Variants in C10orf90 observed in about 807,000 individuals in gnomAD.
The protein encoded by C10orf90 is chromosome 10 open reading frame 90.
C10orf90 carries 56 observed loss-of-function variants against 62.5 expected under a neutral mutation model. The ratio of observed to expected loss-of-function variants is 0.90; its 90% CI spans 0.72 to 1.12. The LOEUF is 1.12. Ranked by LOEUF, C10orf90 falls within the 50% of genes most tolerant of loss-of-function variation. The pLI is 0.00. For synonymous variants in C10orf90, 386 were observed against 340.4 expected (o/e 1.13, Z -1.47); for missense variants, 970 against 880.4 (o/e 1.10, Z -1.29).
At chr10:126,615,380 C>T (rs1409544705) in intron 2 of C10orf90, among the ~76,000 whole-genome samples, 3 of 152,132 alleles carry the variant, frequency 2.0e-5, no homozygotes, top group African/African-American at 7.2e-5. Context: ...CAAAGGACAT[C>T]TCTTCTGTTG....
chr10:126,642,368 T>G (rs562953440), intron 2 of C10orf90, among the ~76,000 whole-genome samples: 1 of 152,026 alleles, frequency 6.6e-6, no homozygotes, highest in South Asian at 2.1e-4. Context: ...CCGTCTCTAC[T>G]AAAAATACAA....
At chr10:126,491,364 C>T (rs1011641267) in intron 4 of C10orf90, among the ~76,000 whole-genome samples, 2 of 152,110 alleles carry the variant, frequency 1.3e-5, no homozygotes, top group African/African-American at 2.4e-5. Context: ...TGACAGAAAT[C>T]ATCTATATCT....
intron 2 of C10orf90, among the ~76,000 whole-genome samples, chr10:126,565,822 G>C (rs560540915): frequency 1.3e-5 from 2 of 152,194 alleles, no homozygotes; most frequent in South Asian, 2.1e-4. Context: ...TCCTCCACCC[G>C]CTGTTTTGAG....
Position 126,565,023 on chromosome 10 carries a change from ATATAT to A in C10orf90, c.314-51089_314-51085del, listed in dbSNP as rs1443571423. Reference sequence around the variant, plus strand: ...ATATATAATATATATAATATATATTATATATTATATAAAATATATAATATATAATA... The same window carrying A: ...ATATATAATATATATAATATATATTATATATAAAATATATAATATATAATA... On this transcript the variant is annotated intron_variant, in intron 2 of 9. Coordinates refer to ENST00000488181, the MANE Select transcript of C10orf90 (RefSeq NM_001350921.2). Among the ~76,000 whole-genome samples, 17 of 10,722 alleles carry A rather than the reference ATATAT, an allele frequency of 1.6e-3. 2 individuals are homozygous for A. Among genetic ancestry groups the A allele is most frequent in the Non-Finnish European group, 3.0e-3 (16 of 5,294 alleles). The allele number at this position is 10,722 out of a possible 152,430, so 7.0% of individuals were successfully genotyped here. A position where few individuals can be genotyped will look rare whatever the true frequency, so the allele number is the denominator to read the frequency against.
intron 2 of C10orf90, among the ~76,000 whole-genome samples, chr10:126,605,152 G>C (rs893825298): frequency 3.9e-5 from 6 of 152,180 alleles, no homozygotes; most frequent in Admixed American, 6.5e-5. Context: ...CTGAAAAATG[G>C]CTTCATATTT....
intron 2 of C10orf90, among the ~76,000 whole-genome samples, chr10:126,531,058 CA>C (rs1425706102): frequency 2.0e-5 from 3 of 151,592 alleles, no homozygotes; most frequent in African/African-American, 7.3e-5. Context: ...CCTGTAATCC[CA>C]GCTACTCAGG....
chr10:126,466,451 A>G (rs1860295845), intron 4 of C10orf90, among the ~76,000 whole-genome samples: 1 of 152,164 alleles, frequency 6.6e-6, no homozygotes, highest in Non-Finnish European at 1.5e-5. Context: ...AATTGAGCTC[A>G]TGACTACCAA....
chr10:126,642,235 T>C (rs1846072683), intron 2 of C10orf90, among the ~76,000 whole-genome samples: 1 of 152,220 alleles, frequency 6.6e-6, no homozygotes, highest in Admixed American at 6.5e-5. Flanking sequence ...ACTACGTACT[T>C]CAATTTAAAA....
intron 2 of C10orf90, among the ~76,000 whole-genome samples, chr10:126,543,043 T>A (rs7079190): frequency 0.076 from 11,593 of 152,274 alleles, 1,229 homozygotes; most frequent in African/African-American, 0.23. Flanking sequence ...AAACAATGAA[T>A]TGGTCTCTAA....
chr10:126,515,292 A>T (rs974755398), intron 2 of C10orf90, among the ~76,000 whole-genome samples: 5 of 152,188 alleles, frequency 3.3e-5, no homozygotes, highest in African/African-American at 1.2e-4. Context: ...GCAGTAGCAG[A>T]CAATACTGTC....
chr10:126,508,163 G>GAGAGAA (rs111571661), intron 3 of C10orf90, among the ~76,000 whole-genome samples: 2,984 of 143,982 alleles, frequency 0.021, 112 homozygotes, highest in African/African-American at 0.074. Flanking sequence ...GTGAGTGAGA[G>GAGAGAA]AGAGAGAGAG....
At chr10:126,508,771 C>T (rs552387102) in intron 3 of C10orf90, among the ~76,000 whole-genome samples, 218 of 152,254 alleles carry the variant, frequency 1.4e-3, no homozygotes, top group South Asian at 9.5e-3. Flanking sequence ...GGGTGGTTCT[C>T]GGGCGGGGGC....
At chr10:126,430,717 A>G (rs1857523267) in intron 7 of C10orf90, among the ~76,000 whole-genome samples, 1 of 152,216 alleles carries the variant, frequency 6.6e-6, no homozygotes. Context: ...GCAGAAGCAG[A>G]CAGGCAACTT....
intron 8 of C10orf90, among the ~76,000 whole-genome samples, chr10:126,428,271 G>C (rs1157393742): frequency 6.6e-6 from 1 of 152,160 alleles, no homozygotes; most frequent in African/African-American, 2.4e-5. Flanking sequence ...TGGGTGTCTG[G>C]GGAGCTGGGA....
At chr10:126,433,642 A>G (rs1857726132) in intron 7 of C10orf90, among the ~76,000 whole-genome samples, 2 of 152,170 alleles carry the variant, frequency 1.3e-5, no homozygotes, top group African/African-American at 4.8e-5. Context: ...TGCCTTCAGG[A>G]TATGTACAGC....
chr10:126,552,025 G>A (rs1376145884), intron 2 of C10orf90, among the ~76,000 whole-genome samples: 2 of 152,154 alleles, frequency 1.3e-5, no homozygotes, highest in African/African-American at 4.8e-5. Context: ...ACTGTCTAAG[G>A]TTAGTACCTA....
chr10:126,445,940 G>A (rs1390331775), intron 7 of C10orf90, among the ~76,000 whole-genome samples: 1 of 151,712 alleles, frequency 6.6e-6, no homozygotes, highest in Non-Finnish European at 1.5e-5. Flanking sequence ...GGAAAACCAT[G>A]TGAGAGCTAA....
chr10:126,532,842 CAAAAA>C (rs1269013268), intron 2 of C10orf90, among the ~76,000 whole-genome samples: 1 of 12,102 alleles, frequency 8.3e-5, no homozygotes, highest in Non-Finnish European at 1.4e-4. Flanking sequence ...GACTACGTCT[CAAAAA>C]AAAAAAAAAA....
intron 1 of C10orf90, among the ~76,000 whole-genome samples, chr10:126,663,980 T>G (rs1846572038): frequency 6.6e-6 from 1 of 152,206 alleles, no homozygotes; most frequent in Admixed American, 6.5e-5. Context: ...TCATTAATGC[T>G]TTCTACCTTA....
Sources: allele counts gnomAD v4.1 joint callset (sites outside exome capture counted in the v4.1 genomes callset), GRCh38; gene constraint gnomAD v4.1.1; transcripts MANE v1.5; gene names NCBI Gene and HGNC (gene_info 2026-07-23, HGNC 2026-07-21).